LYST: variants seen among roughly 807,000 people sequenced by gnomAD.
LYST encodes the protein lysosomal trafficking regulator.
A neutral mutation model predicts 413.6 loss-of-function variants in LYST; 192 were observed. The ratio of observed to expected loss-of-function variants is 0.46; its 90% CI spans 0.41 to 0.52. The LOEUF is 0.52. LYST is among the 20% of genes least tolerant of loss of function. LYST has a pLI of 0.00. For synonymous variants in LYST, 1,525 were observed against 1,567.3 expected (o/e 0.97, Z 0.64); for missense variants, 3,815 against 4,499.9 (o/e 0.85, Z 4.35).
chr1:235,794,063 C>T (rs929116899), intron 10 of LYST, among the ~76,000 whole-genome samples: 24 of 152,214 alleles, frequency 1.6e-4, no homozygotes, highest in African/African-American at 5.8e-4. Context: ...GAACTCCTGA[C>T]CTCAGGTGAT....
chr1:235,710,519 C>G (rs1293481126), intron 43 of LYST, among the ~76,000 whole-genome samples: 2 of 152,196 alleles, frequency 1.3e-5, no homozygotes, highest in Non-Finnish European at 2.9e-5. Flanking sequence ...TGACCCAAAG[C>G]AGACAACTGA....
At chr1:235,737,938 G>A in intron 31 of LYST, 1 of 1,193,720 alleles carries the variant, frequency 8.4e-7, no homozygotes, top group South Asian at 3.5e-5. Context: ...ACTGCCGCGT[G>A]CCCCAACACC....
intron 37 of LYST, among the ~76,000 whole-genome samples, chr1:235,729,089 C>T (rs1664141970): frequency 6.6e-6 from 1 of 152,154 alleles, no homozygotes; most frequent in African/African-American, 2.4e-5. Context: ...GAATAGAGAT[C>T]AAGTGGTATA....
chr1:235,786,371 A>G (rs548881540), intron 14 of LYST, among the ~76,000 whole-genome samples: 16 of 152,338 alleles, frequency 1.1e-4, no homozygotes, highest in Non-Finnish European at 1.6e-4. Context: ...ACCAGTTAGA[A>G]TGGCAATCAT....
intron 20 of LYST, among the ~76,000 whole-genome samples, chr1:235,769,144 A>G (rs535069466): frequency 6.6e-6 from 1 of 152,244 alleles, no homozygotes; most frequent in African/African-American, 2.4e-5. Context: ...ACTAATTTAT[A>G]TGGAAAGGGC....
At chr1:235,751,650 T>C (rs1207527631) in intron 27 of LYST, among the ~76,000 whole-genome samples, 1 of 152,176 alleles carries the variant, frequency 6.6e-6, no homozygotes, top group African/African-American at 2.4e-5. Context: ...AGGCAAAAGT[T>C]TAACCGGCAA....
intron 3 of LYST, among the ~76,000 whole-genome samples, chr1:235,825,922 CAA>C (rs984892940): frequency 6.6e-5 from 10 of 151,968 alleles, no homozygotes; most frequent in African/African-American, 2.4e-4. Context: ...ATCTAATTTC[CAA>C]ACTTATTTTT....
chr1:235,774,084 T>A, intron 18 of LYST, 93 bp from the exon 19 acceptor site: 2 of 862,966 alleles, frequency 2.3e-6, no homozygotes, highest in Non-Finnish European at 1.9e-6. Flanking sequence ...TAGCAATCAT[T>A]AAATTCAAAG....
chr1:235,838,414 C>T (rs1041818498), intron 1 of LYST, among the ~76,000 whole-genome samples: 4 of 152,308 alleles, frequency 2.6e-5, no homozygotes, highest in Admixed American at 6.5e-5. Flanking sequence ...CAGCATTCTC[C>T]TAATCTGTAA....
intron 10 of LYST, among the ~76,000 whole-genome samples, chr1:235,794,522 A>G (rs1361015867): frequency 6.6e-6 from 1 of 152,186 alleles, no homozygotes; most frequent in African/African-American, 2.4e-5. Flanking sequence ...ATTTCAGCTG[A>G]TCCTCACCAA....
intron 47 of LYST, among the ~76,000 whole-genome samples, chr1:235,688,389 T>A (rs1660375783): frequency 6.6e-6 from 1 of 152,228 alleles, no homozygotes; most frequent in Non-Finnish European, 1.5e-5. Flanking sequence ...GATAATCTAA[T>A]ATGTGAACTA....
intron 4 of LYST, among the ~76,000 whole-genome samples, chr1:235,811,285 C>G (rs1304852634): frequency 6.6e-6 from 1 of 152,184 alleles, no homozygotes; most frequent in Non-Finnish European, 1.5e-5. Flanking sequence ...ATTTACAAAT[C>G]TCTTCCCATA....
At chr1:235,749,208 T>C (rs74346289) in intron 28 of LYST, among the ~76,000 whole-genome samples, 2 of 152,294 alleles carry the variant, frequency 1.3e-5, no homozygotes, top group East Asian at 3.9e-4. Flanking sequence ...GCAGTTTTTG[T>C]ACCTGTAGCA....
chr1:235,872,432 G>A lies in LYST; in HGVS notation n.454+10755C>T, dbSNP rs952507821. Among the ~76,000 whole-genome samples the A allele has an allele frequency of 2.0e-5, 3 of 152,068 alleles. No homozygotes were observed. The East Asian group carries it at 5.8e-4, about 29-fold the overall frequency. The stretch of plus-strand genomic sequence containing the variant: ...TGGACAGCACTGTAGACATGTGATT[G>A]GACAAAAGAGTTTGATCTCGTGGTA... On this transcript the variant is annotated intron_variant and non_coding_transcript_variant, in intron 1 of 11. Transcript: ENST00000465349.
chr1:235,702,561 C>T (rs556885846), intron 45 of LYST, among the ~76,000 whole-genome samples, 186 bp downstream of exon 45: 24 of 152,332 alleles, frequency 1.6e-4, no homozygotes, highest in African/African-American at 5.8e-4. Flanking sequence ...CCCCAAAGCA[C>T]TCTCTCATAT....
intron 21 of LYST, 92 bp downstream of exon 21, chr1:235,765,987 G>A: frequency 1.0e-6 from 1 of 952,468 alleles, no homozygotes; most frequent in Non-Finnish European, 1.7e-6. Flanking sequence ...GCAGCACAGA[G>A]GCCATTCAAA....
intron 1 of LYST, among the ~76,000 whole-genome samples, chr1:235,835,627 G>A (rs192522964): frequency 6.6e-6 from 1 of 152,208 alleles, no homozygotes; most frequent in African/African-American, 2.4e-5. Flanking sequence ...ACAGTCACAT[G>A]TGTCCTCCTT....
rs138393416 is a variant in LYST at position 235,813,058 on chromosome 1, A to G, written c.196T>C (p.Leu66=). The G allele has an allele frequency of 9.4e-5, 147 of 1,567,276 alleles. No homozygotes were observed. Among genetic ancestry groups the G allele is most frequent in the Non-Finnish European group, 9.9e-5 (113 of 1,137,458 alleles). The change falls in exon 4 of 53, where the codon TTG becomes CTG. Residue 66 remains leucine, a synonymous_variant. Transcript: ENST00000389793. The part of the protein sequence containing the change: ...TKLNSIIDQA[L]TCREELLTLL... ...GTCAGGAGTTCTTCTCTACATGTCA[A>G]TGCCTATGTCAGTAACAAAAGAATC... is the stretch of plus-strand genomic sequence containing the variant.
chr1:235,693,847 T>A (rs113407870), intron 46 of LYST, among the ~76,000 whole-genome samples: 20 of 152,222 alleles, frequency 1.3e-4, no homozygotes, highest in African/African-American at 4.8e-4. Context: ...CTATTTAACT[T>A]TCTAGATACC....
Sources: gnomAD v4.1 joint callset for allele counts (sites outside exome capture counted in the v4.1 genomes callset) on GRCh38, gnomAD v4.1.1 for gene constraint, MANE v1.5 for transcripts, NCBI Gene and HGNC (gene_info 2026-07-23, HGNC 2026-07-21) for gene names.